The following CEP290 variants were observed in gnomAD, a reference collection of about 807,000 sequenced individuals.
The protein encoded by CEP290 is centrosomal protein 290.
CEP290 carries 317 observed loss-of-function variants against 344.9 expected under a neutral mutation model. The ratio of observed to expected loss-of-function variants is 0.92; its 90% confidence interval spans 0.84 to 1.01. The LOEUF (loss-of-function observed/expected upper bound fraction) is 1.01. Ranked by LOEUF, CEP290 falls within the 50% of genes least tolerant of loss-of-function variation. The pLI is 0.00. For missense variants in CEP290, 2,754 were observed against 2,761.4 expected, an observed-to-expected ratio of 1.00 and a Z score of 0.06; for synonymous variants, 932 against 895.8, an observed-to-expected ratio of 1.04 and a Z score of -0.72.
chr12:88,062,408 C>T (rs1039449799), intron 46 of CEP290, among the ~76,000 whole-genome samples: 1 of 152,068 alleles, frequency 6.6e-6, no homozygotes, highest in Non-Finnish European at 1.5e-5. Context: ...GACCAGTTAG[C>T]AGTTACCTCC....
chr12:88,139,009 C>A, intron 5 of CEP290, 136 bp downstream of exon 5: 1 of 553,646 alleles, frequency 1.8e-6, no homozygotes, highest in Non-Finnish European at 3.3e-6. Context: ...GCATGTAGAA[C>A]ATATACAGAA....
At chr12:88,134,818 A>G (rs2040266028) in intron 6 of CEP290, among the ~76,000 whole-genome samples, 1 of 152,198 alleles carries the variant, frequency 6.6e-6, no homozygotes, top group Admixed American at 6.5e-5. Flanking sequence ...AAAATGAATA[A>G]CTGTAGTTTC....
chr12:88,068,553 T>C lies in CEP290; in HGVS notation c.6104A>G (p.Gln2035Arg), dbSNP rs780940451. 3 of 1,575,320 alleles carry C rather than the reference T, an allele frequency of 1.9e-6. No individual in the cohort carries two copies. The highest frequency in any genetic ancestry group is 1.2e-5 in the South Asian group (1 of 83,518). The change falls in exon 44 of 54, where the codon CAG becomes CGG. Residue 2035 changes from glutamine to arginine, a missense_variant. Transcript: ENST00000552810. ...CTTAGAATATGTATCCTTTGAAAAC[T>C]GTTTTTCTAAAGCATGAAGTTTTTC... ...LQEKLHALEKQFSKDTYSKPS... is the reference protein window; with the variant it reads ...LQEKLHALEKRFSKDTYSKPS...
intron 49 of CEP290, 68 bp downstream of exon 49, chr12:88,058,780 T>C (rs1161761986): frequency 6.7e-7 from 1 of 1,483,492 alleles, no homozygotes; most frequent in Non-Finnish European, 9.2e-7. Context: ...AGAATAGTGT[T>C]GTCTTTTAAA....
chr12:88,117,046 T>C lies in CEP290; in HGVS notation c.1811A>G (p.Glu604Gly). 6.8e-7 allele frequency: 1 copy of C among 1,469,514 alleles called. No individual in the cohort carries two copies. The highest frequency in any genetic ancestry group is 2.4e-5 in the East Asian group (1 of 42,232). The allele number at this position is 1,469,514 out of a possible 1,614,324, so 91.0% of individuals were successfully genotyped here. A position where few individuals can be genotyped will look rare whatever the true frequency, so the allele number is the denominator to read the frequency against. Residue 604 changes from glutamate to glycine, a missense_variant, in exon 18 of 54, where the codon GAA becomes GGA. Coordinates refer to ENST00000552810, the MANE Select transcript of CEP290 (RefSeq NM_025114.4). ...LDLLSLKNMS[E>G]AQSKNEFLSR... Reference sequence around the variant, plus strand: ...CTTTACTATTACCTTTGATTGTGCTTCACTCATATTTTTGAGGCTCAATAA... The same window carrying C: ...CTTTACTATTACCTTTGATTGTGCTCCACTCATATTTTTGAGGCTCAATAA...
chr12:88,083,546 T>A (rs923688620), intron 36 of CEP290, among the ~76,000 whole-genome samples: 1 of 152,122 alleles, frequency 6.6e-6, no homozygotes, highest in Non-Finnish European at 1.5e-5. Flanking sequence ...AACAGAATGG[T>A]CAAAAGAGGC....
intron 22 of CEP290, among the ~76,000 whole-genome samples, chr12:88,110,548 TA>T (rs913977616): frequency 2.0e-5 from 3 of 150,086 alleles, no homozygotes; most frequent in Admixed American, 6.7e-5. Context: ...CCATCTCTAC[TA>T]AAAAAAAATA....
At chr12:88,054,022 G>A (rs1435959273) in intron 51 of CEP290, among the ~76,000 whole-genome samples, 2 of 152,116 alleles carry the variant, frequency 1.3e-5, no homozygotes, top group African/African-American at 4.8e-5. Context: ...AGAGACCCCT[G>A]AAAGTAAAAA....
intron 7 of CEP290, among the ~76,000 whole-genome samples, chr12:88,130,937 C>T (rs916215243): frequency 1.3e-5 from 2 of 151,782 alleles, no homozygotes; most frequent in East Asian, 3.9e-4. Context: ...TATAAAACAA[C>T]AAAAAAAGAT....
chr12:88,073,686 C>CT (rs1352341006), intron 41 of CEP290, among the ~76,000 whole-genome samples: 3 of 152,026 alleles, frequency 2.0e-5, no homozygotes, highest in African/African-American at 7.2e-5. Context: ...AATCTCAGCA[C>CT]TTTGGGAGGC....
At chr12:88,091,013 T>C (rs2036994324) in intron 29 of CEP290, among the ~76,000 whole-genome samples, 174 bp from the exon 30 acceptor site, 1 of 152,158 alleles carries the variant, frequency 6.6e-6, no homozygotes. Flanking sequence ...CATAATTCCA[T>C]CAGAGGTTAT....
In CEP290 at chr12:88,120,100, A is replaced by C. The variant is rs1194834988; in HGVS notation, c.1522+14T>G. The C allele has an allele frequency of 6.8e-7, 1 of 1,465,984 alleles. No individual in the cohort carries two copies. The highest frequency in any genetic ancestry group is 1.4e-5 in the African/African-American group (1 of 69,626). 90.8% of individuals were successfully genotyped at this position (1,465,984 alleles called of 1,614,324 possible). ...TCAGGTTGCGCAAACTATGTAACTTAAAACATGGCTTACCCACACGCTCTC... is the reference window on the plus strand; with the variant it reads ...TCAGGTTGCGCAAACTATGTAACTTCAAACATGGCTTACCCACACGCTCTC... On this transcript the variant is annotated intron_variant, in intron 15 of 53. Coordinates refer to ENST00000552810, the MANE Select transcript of CEP290 (RefSeq NM_025114.4).
rs886049883 is a variant in CEP290, at chr12:88,114,551, C to G, written c.1921G>C (p.Val641Leu). The stretch of plus-strand genomic sequence containing the variant: ...TCTTCAAGTTGCTTATTTTCTTCAA[C>G]TAATTCTTTTACTGTAATTACACAG... ...AKFQNKLKEL[V>L]EENKQLEEGM... is the part of the protein sequence containing the mutation. The change falls in exon 20 of 54, where the codon GTT becomes CTT. Residue 641 changes from valine (V) to leucine (L), a missense_variant. Transcript: ENST00000552810. 1.0e-5 allele frequency: 16 copies of G among 1,539,698 alleles called. No individual in the cohort carries two copies. Among genetic ancestry groups the G allele is most frequent in the Non-Finnish European group, 1.3e-5 (15 of 1,142,104 alleles).
chr12:88,126,156 T>C (rs1234910454), intron 12 of CEP290, among the ~76,000 whole-genome samples, 160 bp downstream of exon 12: 1 of 152,074 alleles, frequency 6.6e-6, no homozygotes, highest in African/African-American at 2.4e-5. Flanking sequence ...TAATTTTTTA[T>C]TGGGACCAGG....
chr12:88,066,969 T>G (rs1377430928), intron 44 of CEP290, among the ~76,000 whole-genome samples: 1 of 152,160 alleles, frequency 6.6e-6, no homozygotes, highest in East Asian at 1.9e-4. Context: ...AGTTTCCTTT[T>G]CTCATTATAA....
intron 48 of CEP290, among the ~76,000 whole-genome samples, chr12:88,059,580 T>C (rs2034300160): frequency 6.6e-6 from 1 of 152,082 alleles, no homozygotes; most frequent in South Asian, 2.1e-4. Context: ...GCTAATTTTT[T>C]GTATTTTTAG....
At chr12:88,054,478 A>G (rs1401196542) in intron 50 of CEP290, 65 bp from the exon 51 acceptor site, 1 of 1,224,978 alleles carries the variant, frequency 8.2e-7, no homozygotes, top group East Asian at 2.4e-5. Context: ...TTATAAAGAT[A>G]CACATTTTTA....
intron 2 of CEP290, 48 bp downstream of exon 2, chr12:88,141,154 AAATT>A: frequency 7.7e-7 from 1 of 1,301,234 alleles, no homozygotes. Flanking sequence ...TTTTATTAAT[AAATT>A]AATCATAAGT....
intron 34 of CEP290, among the ~76,000 whole-genome samples, chr12:88,085,435 C>T (rs543582763): frequency 2.6e-5 from 4 of 152,102 alleles, no homozygotes; most frequent in South Asian, 4.1e-4. Flanking sequence ...AGAAAATCTA[C>T]GTTTCCTGAA....
Sources: allele counts gnomAD v4.1 joint callset (sites outside exome capture counted in the v4.1 genomes callset), GRCh38; gene constraint gnomAD v4.1.1; transcripts MANE v1.5; gene names NCBI Gene and HGNC (gene_info 2026-07-23, HGNC 2026-07-21).